The following DOK6 variants were observed in gnomAD, a reference collection of about 807,000 sequenced individuals.
DOK6 encodes downstream of tyrosine kinase 6.
DOK6 carries 22 observed loss-of-function variants against 44.0 expected under a neutral mutation model. The ratio of observed to expected loss-of-function variants is 0.50; its 90% confidence interval spans 0.36 to 0.71. The LOEUF is 0.71. DOK6 is among the 30% of genes least tolerant of loss of function. DOK6 has a pLI of 0.00. For synonymous variants in DOK6, 166 were observed against 145.5 expected (o/e 1.14, Z -1.01); for missense variants, 340 against 416.4 (o/e 0.82, Z 1.60).
chr18:69,824,053 TAAA>T (rs1164627347), intron 7 of DOK6, among the ~76,000 whole-genome samples: 5 of 151,442 alleles, frequency 3.3e-5, no homozygotes, highest in South Asian at 4.2e-4. Context: ...TCTTTTTTTT[TAAA>T]AATTATACTT....
chr18:69,403,008 T>C (rs1916132732), intron 1 of DOK6, among the ~76,000 whole-genome samples: 1 of 152,192 alleles, frequency 6.6e-6, no homozygotes. Flanking sequence ...GGGAGTCGTC[T>C]TCTTAGCTTG....
intron 3 of DOK6, among the ~76,000 whole-genome samples, chr18:69,651,650 A>G (rs2144663309): frequency 6.6e-6 from 1 of 151,902 alleles, no homozygotes; most frequent in South Asian, 2.1e-4. Flanking sequence ...CACCACACCC[A>G]GCTAATTTTT....
At chr18:69,649,602 C>T (rs17081439) in intron 3 of DOK6, among the ~76,000 whole-genome samples, 4 of 151,920 alleles carry the variant, frequency 2.6e-5, no homozygotes, top group African/African-American at 9.7e-5. Context: ...TCTTAACAGA[C>T]TTTATAATTG....
chr18:69,822,261 A>G (rs541144746), intron 7 of DOK6, among the ~76,000 whole-genome samples: 1 of 152,340 alleles, frequency 6.6e-6, no homozygotes, highest in Admixed American at 6.5e-5. Flanking sequence ...TGACATTGTC[A>G]AGAACTATGA....
chr18:69,601,601 T>G (rs960128277), intron 3 of DOK6, among the ~76,000 whole-genome samples: 3 of 152,342 alleles, frequency 2.0e-5, no homozygotes, highest in African/African-American at 7.2e-5. Context: ...TCAGAGCACC[T>G]TATCGTTACA....
chr18:69,784,750 T>C (rs1242366756), intron 7 of DOK6, among the ~76,000 whole-genome samples: 1 of 152,200 alleles, frequency 6.6e-6, no homozygotes, highest in African/African-American at 2.4e-5. Flanking sequence ...AGATAATTCT[T>C]GTTTTTATAT....
intron 7 of DOK6, among the ~76,000 whole-genome samples, chr18:69,802,966 C>T (rs966353048): frequency 7.9e-5 from 12 of 152,022 alleles, no homozygotes; most frequent in African/African-American, 2.7e-4. Flanking sequence ...ATATAAGAAA[C>T]TATCTCCTTT....
intron 5 of DOK6, among the ~76,000 whole-genome samples, chr18:69,714,252 T>C (rs992924786): frequency 6.6e-6 from 1 of 152,182 alleles, no homozygotes; most frequent in African/African-American, 2.4e-5. Flanking sequence ...ACAGTTGGGA[T>C]ATTAAATAGA....
chr18:69,659,038 T>A (rs530315768), intron 3 of DOK6, among the ~76,000 whole-genome samples: 2 of 152,232 alleles, frequency 1.3e-5, no homozygotes, highest in African/African-American at 4.8e-5. Flanking sequence ...TGCAGGCAAA[T>A]TGAAAATTTC....
chr18:69,474,565 T>A (rs1980209567), intron 1 of DOK6, among the ~76,000 whole-genome samples: 1 of 152,244 alleles, frequency 6.6e-6, no homozygotes, highest in Admixed American at 6.5e-5. Context: ...TGTACATGGT[T>A]TAATGTATTC....
chr18:69,553,235 A>G (rs1472923751), intron 1 of DOK6, among the ~76,000 whole-genome samples: 1 of 152,250 alleles, frequency 6.6e-6, no homozygotes, highest in East Asian at 1.9e-4. Context: ...CGACTGGAGA[A>G]CAAAGTCAAA....
intron 2 of DOK6, among the ~76,000 whole-genome samples, chr18:69,566,426 G>A (rs957854197): frequency 5.9e-5 from 9 of 152,102 alleles, no homozygotes; most frequent in African/African-American, 9.7e-5. Flanking sequence ...GCGAACCACC[G>A]CACCCGGCCC....
chr18:69,707,824 T>C (rs926952942), intron 5 of DOK6, among the ~76,000 whole-genome samples: 1 of 152,180 alleles, frequency 6.6e-6, no homozygotes, highest in African/African-American at 2.4e-5. Context: ...AACAGTCCTA[T>C]CTAGGCAAAC....
In DOK6 at chr18:69,811,577, T is replaced by A. The variant is rs1222956848; in HGVS notation, c.857-29667T>A. ...ATATATATATATATATATATATATATCAAAACACTACGTTGTACACAATCA... is the reference window on the plus strand; with the variant it reads ...ATATATATATATATATATATATATAACAAAACACTACGTTGTACACAATCA... On this transcript the variant is annotated intron_variant, in intron 7 of 7. Transcript: ENST00000382713. Among the ~76,000 whole-genome samples the A allele has an allele frequency of 4.5e-4, 5 of 11,122 alleles. No individual in the cohort carries two copies. In the Admixed American group the frequency reaches 7.2e-3, roughly 16 times the overall value. The allele number at this position is 11,122 out of a possible 152,430, so 7.3% of individuals were successfully genotyped here. A position where few individuals can be genotyped will look rare whatever the true frequency, so the allele number is the denominator to read the frequency against.
At chr18:69,731,986 C>T (rs972048660) in intron 5 of DOK6, among the ~76,000 whole-genome samples, 5 of 152,120 alleles carry the variant, frequency 3.3e-5, no homozygotes, top group Admixed American at 6.6e-5. Flanking sequence ...AGGATAAGAA[C>T]GTATCACTTC....
chr18:69,401,284 G>A lies in DOK6; in HGVS notation c.40G>A (p.Val14Met). 6.3e-7 allele frequency: 1 copy of A among 1,584,310 alleles called. No individual in the cohort carries two copies. Among genetic ancestry groups the A allele is most frequent in the Non-Finnish European group, 8.6e-7 (1 of 1,165,812 alleles). The change falls in exon 1 of 8, where the codon GTG (valine) becomes ATG (methionine). Residue 14 changes from valine (V) to methionine (M), a missense_variant. Around this residue, in one of 3 missense-constraint regions of DOK6, gnomAD observed 206 missense variants for 258.6 expected, o/e 0.80. Transcript: ENST00000382713. ...TAACGACATAGTCAAGCAGGGCTAC[G>A]TGAAAATCCGCAGCAGGAAGCTTGG... is the stretch of plus-strand genomic sequence containing the variant. ...NFNDIVKQGYVKIRSRKLGIF... is the reference protein window; with the variant it reads ...NFNDIVKQGYMKIRSRKLGIF...
intron 1 of DOK6, among the ~76,000 whole-genome samples, chr18:69,531,270 A>C (rs143614316): frequency 0.03 from 4,384 of 147,186 alleles, 76 homozygotes; most frequent in Middle Eastern, 0.05. Context: ...ATATATATAT[A>C]TAATATATTA....
intron 1 of DOK6, among the ~76,000 whole-genome samples, chr18:69,533,179 T>C (rs1206662294): frequency 6.6e-6 from 1 of 152,186 alleles, no homozygotes; most frequent in East Asian, 1.9e-4. Context: ...CTTTTCATTG[T>C]ATGGAAACTG....
intron 7 of DOK6, among the ~76,000 whole-genome samples, chr18:69,829,175 A>G (rs887070694): frequency 6.6e-6 from 1 of 151,208 alleles, no homozygotes; most frequent in African/African-American, 2.4e-5. Context: ...AAACAGAGAA[A>G]TGGAAGGAAA....
Sources: allele counts gnomAD v4.1 joint callset (sites outside exome capture counted in the v4.1 genomes callset), GRCh38; gene constraint gnomAD v4.1.1; regional missense constraint gnomAD v4.1.1; transcripts MANE v1.5; gene names NCBI Gene and HGNC (gene_info 2026-07-23, HGNC 2026-07-21).